Variants in PLBD2 observed in about 807,000 individuals in gnomAD.
PLBD2 encodes the protein phospholipase B domain containing 2.
A neutral mutation model predicts 68.3 loss-of-function variants in PLBD2; 51 were observed. The observed-to-expected ratio is 0.75, with a 90% CI of 0.60 to 0.94. The LOEUF is 0.94. PLBD2 is among the 40% of genes least tolerant of loss of function. PLBD2 has a pLI of 0.00. For missense variants in PLBD2, 729 were observed against 792.2 expected (o/e 0.92, Z 0.96); for synonymous variants, 314 against 339.3 (o/e 0.93, Z 0.82).
Position 113,374,497 on chromosome 12 carries a change from G to A in PLBD2, c.567G>A (p.Leu189=). The change falls in exon 4 of 12, where the codon CTG becomes CTA. Residue 189 remains leucine (L), a synonymous_variant. Transcript: ENST00000280800. ...WHQVRLTLLQ[L]KGLEDSYEGR... is the part of the protein sequence containing the mutation. Reference sequence around the variant, plus strand: ...AGGTGCGGCTGACCCTCCTGCAGCTGAAAGGCCTGGAGGACAGCTACGAAG... The same window carrying A: ...AGGTGCGGCTGACCCTCCTGCAGCTAAAAGGCCTGGAGGACAGCTACGAAG... 2 of 1,603,238 alleles carry A rather than the reference G, an allele frequency of 1.2e-6. No homozygotes were observed. Among genetic ancestry groups the A allele is most frequent in the East Asian group, 2.2e-5 (1 of 44,548 alleles).
intron 6 of PLBD2, among the ~76,000 whole-genome samples, chr12:113,382,835 T>TTTTTTTTGTGTGTGTGTGTGTGTGTG (rs1335785271): frequency 1.9e-5 from 2 of 106,610 alleles, no homozygotes; most frequent in African/African-American, 7.7e-5. Flanking sequence ...TGGTGGTTTT[T>TTTTTTTTGTGTGTGTGTGTGTGTGTG]TGTGTGTGTG....
In PLBD2 at chr12:113,384,907, GC is replaced by G. The variant is rs1222175101; in HGVS notation, c.1179del (p.Ser395AlafsTer49). On this transcript the variant is annotated frameshift_variant, in exon 8 of 12. Coordinates refer to ENST00000280800, the MANE Select transcript of PLBD2 (RefSeq NM_173542.4). The surrounding 1 kb of genome is among the most constrained non-coding windows in gnomAD (Gnocchi z 4.2). Reference sequence around the variant, plus strand: ...AAGGCGTTCATCCCGGGTGGGCCCAGCCCCGGGAGCCGGGTGCTTACCATCC... The same window carrying G: ...AAGGCGTTCATCCCGGGTGGGCCCAGCCCGGGAGCCGGGTGCTTACCATCC... ...DYKAFIPGGP[S>X]PGSRVLTILE... is the part of the protein sequence containing the mutation. The G allele has an allele frequency of 6.4e-7, 1 of 1,555,490 alleles. No individual in the cohort carries two copies. Among genetic ancestry groups the G allele is most frequent in the South Asian group, 1.1e-5 (1 of 90,410 alleles).
At chr12:113,360,510 G>A (rs1167724774) in intron 1 of PLBD2, among the ~76,000 whole-genome samples, 19 of 152,200 alleles carry the variant, frequency 1.2e-4, no homozygotes, top group Admixed American at 1.2e-3. Flanking sequence ...TGTGCTGGAT[G>A]GAAAGTTCTT....
Position 113,367,744 on chromosome 12 carries a change from G to A in PLBD2, c.291-1372G>A, listed in dbSNP as rs535031943. On this transcript the variant is annotated intron_variant, in intron 1 of 11. Transcript: ENST00000280800. The stretch of plus-strand genomic sequence containing the variant: ...TCAGCCTGGGTGACAGCAAGATGCT[G>A]TCTCAAAAAAAAAAAAAAAAAGAAA... Among the ~76,000 whole-genome samples the A allele has an allele frequency of 4.2e-5, 5 of 120,008 alleles. No individual in the cohort carries two copies. The East Asian group carries it at 1.5e-3, about 36-fold the overall frequency. 78.7% of individuals were successfully genotyped at this position (120,008 alleles called of 152,430 possible).
intron 1 of PLBD2, among the ~76,000 whole-genome samples, chr12:113,367,064 C>T (rs1388459962): frequency 6.6e-6 from 1 of 152,040 alleles, no homozygotes; most frequent in Non-Finnish European, 1.5e-5. Flanking sequence ...TCTTGGCCAG[C>T]CAAAGTGCTG....
chr12:113,381,003 G>A (rs1269034427), intron 6 of PLBD2, among the ~76,000 whole-genome samples, 161 bp downstream of exon 6: 2 of 151,988 alleles, frequency 1.3e-5, no homozygotes, highest in African/African-American at 4.8e-5. Flanking sequence ...GGTGGACGCT[G>A]CCCCACCTGC....
intron 1 of PLBD2, among the ~76,000 whole-genome samples, chr12:113,362,410 A>G (rs1444440714): frequency 6.6e-6 from 1 of 152,058 alleles, no homozygotes; most frequent in Non-Finnish European, 1.5e-5. Context: ...ATCCAAGGCC[A>G]TACTAGACTG....
Position 113,358,878 on chromosome 12 carries a change from T to A in PLBD2, c.278T>A (p.Ile93Asn). 6.6e-7 allele frequency: 1 copy of A among 1,525,274 alleles called. No individual in the cohort carries two copies. The highest frequency in any genetic ancestry group is 8.8e-7 in the Non-Finnish European group (1 of 1,138,932). The allele number at this position is 1,525,274 out of a possible 1,614,324, so 94.5% of individuals were successfully genotyped here. A position where few individuals can be genotyped will look rare whatever the true frequency, so the allele number is the denominator to read the frequency against. Residue 93 changes from isoleucine to asparagine, a missense_variant, in exon 1 of 12, where the codon ATC (isoleucine) becomes AAC (asparagine). Coordinates refer to ENST00000280800, the MANE Select transcript of PLBD2 (RefSeq NM_173542.4). ...AVAWANLTNA[I>N]RETGWAFLEL... is the part of the protein sequence containing the mutation. Reference sequence around the variant, plus strand: ...GCCTGGGCCAACCTCACCAACGCCATCCGCGAGACTGGGTAAGGGTTGGCT... The same window carrying A: ...GCCTGGGCCAACCTCACCAACGCCAACCGCGAGACTGGGTAAGGGTTGGCT...
rs1433223774 is a variant in PLBD2 at position 113,390,679 on chromosome 12, TCACTCATCCATC to T, written c.*2057_*2068del. The T allele has an allele frequency of 6.8e-6, 1 of 147,822 alleles. No individual in the cohort carries two copies. The highest frequency in any genetic ancestry group is 1.5e-5 in the Non-Finnish European group (1 of 67,148). 9.2% of individuals were successfully genotyped at this position (147,822 alleles called of 1,614,324 possible). A position where few individuals can be genotyped will look rare whatever the true frequency, so the allele number is the denominator to read the frequency against. On this transcript the variant is annotated 3_prime_UTR_variant, in exon 12 of 12. Coordinates refer to ENST00000280800, the MANE Select transcript of PLBD2 (RefSeq NM_173542.4). ...TCCACCCATTTACCCATCTACTAAT[TCACTCATCCATC>T]CACCTACCTATCCATTTATCATCCA...
At chr12:113,373,901 C>T (rs993625811) in intron 3 of PLBD2, among the ~76,000 whole-genome samples, 9 of 134,050 alleles carry the variant, frequency 6.7e-5, no homozygotes, top group Non-Finnish European at 1.3e-4. Flanking sequence ...CATCCATTCA[C>T]CTCCCACCTG....
At chr12:113,387,627 G>A in intron 10 of PLBD2, 117 bp from the exon 11 acceptor site, 1 of 1,138,294 alleles carries the variant, frequency 8.8e-7, no homozygotes, top group Non-Finnish European at 1.3e-6. Context: ...TGCAGTGGGA[G>A]GGGCTCATCA....
chr12:113,380,629 G>A, intron 5 of PLBD2, 116 bp from the exon 6 acceptor site: 1 of 750,676 alleles, frequency 1.3e-6, no homozygotes, highest in Non-Finnish European at 2.3e-6. Context: ...AGGACACAGT[G>A]GGGGCTTCCT....
At chr12:113,381,251 C>T (rs561810793) in intron 6 of PLBD2, among the ~76,000 whole-genome samples, 4 of 152,120 alleles carry the variant, frequency 2.6e-5, no homozygotes, top group East Asian at 3.9e-4. Flanking sequence ...CCCCGCCCCC[C>T]CCACATCCCC....
At chr12:113,383,644 A>C (rs971253611) in intron 6 of PLBD2, among the ~76,000 whole-genome samples, 3 of 151,780 alleles carry the variant, frequency 2.0e-5, no homozygotes, top group Admixed American at 6.6e-5. Context: ...CATGTTGGCC[A>C]GGCTGGTCTG....
At chr12:113,365,250 A>G (rs1957332015) in intron 1 of PLBD2, among the ~76,000 whole-genome samples, 1 of 152,010 alleles carries the variant, frequency 6.6e-6, no homozygotes, top group African/African-American at 2.4e-5. Flanking sequence ...ATCTAACTGT[A>G]TTATGTGGGA....
intron 2 of PLBD2, 119 bp downstream of exon 2, chr12:113,369,328 T>G: frequency 1.4e-6 from 1 of 709,964 alleles, no homozygotes; most frequent in Non-Finnish European, 2.1e-6. Flanking sequence ...CAGCCCTTCA[T>G]CTATCTGGGG....
chr12:113,361,341 G>GT (rs1371619529), intron 1 of PLBD2, among the ~76,000 whole-genome samples: 1,551 of 110,780 alleles, frequency 0.014, 17 homozygotes, highest in East Asian at 0.055. Context: ...TTTTTTTTTT[G>GT]TTTTTTTTTT....
intron 1 of PLBD2, chr12:113,359,563 T>G (rs1957267328): frequency 6.6e-6 from 1 of 152,266 alleles, no homozygotes; most frequent in South Asian, 2.1e-4. Context: ...CCATCTTTAT[T>G]GCTGGAACCC....
At chr12:113,370,871 C>T (rs550271415) in intron 2 of PLBD2, among the ~76,000 whole-genome samples, 1 of 152,260 alleles carries the variant, frequency 6.6e-6, no homozygotes, top group South Asian at 2.1e-4. Flanking sequence ...CCAGGGAATC[C>T]ATAAATTACT....
Sources: allele counts gnomAD v4.1 joint callset (sites outside exome capture counted in the v4.1 genomes callset), GRCh38; gene constraint gnomAD v4.1.1; non-coding constraint Gnocchi (gnomAD v3.1); transcripts MANE v1.5; gene names NCBI Gene and HGNC (gene_info 2026-07-23, HGNC 2026-07-21).